Variants in SOX6 observed in about 807,000 individuals in gnomAD.
SOX6 encodes SRY-box transcription factor 6.
Under a neutral mutation model 97.8 loss-of-function variants are expected in SOX6, and 11 were observed. That is an observed-to-expected ratio of 0.11 (90% CI 0.07 to 0.19). The LOEUF (loss-of-function observed/expected upper bound fraction) is 0.19, where lower values mean the gene tolerates loss of function less well. Among genes scored for constraint, SOX6 ranks in the 10% least tolerant of loss-of-function variants. The pLI, the probability that SOX6 is intolerant of heterozygous loss-of-function variation, is 1.00. For missense variants in SOX6, 810 were observed against 1,039.5 expected (o/e 0.78, Z 3.04); for synonymous variants, 360 against 371.4 (o/e 0.97, Z 0.35).
At chr11:16,102,361 G>A (rs1848970091) in intron 7 of SOX6, among the ~76,000 whole-genome samples, 1 of 151,896 alleles carries the variant, frequency 6.6e-6, no homozygotes, top group South Asian at 2.1e-4. Flanking sequence ...ACAAAACACT[G>A]CTGAAAGAAA....
chr11:16,225,233 T>A (rs1055351779), intron 4 of SOX6, among the ~76,000 whole-genome samples: 4 of 152,042 alleles, frequency 2.6e-5, no homozygotes, highest in Non-Finnish European at 4.4e-5. Context: ...TCCCTAGGTA[T>A]GTGAACTTTG....
chr11:16,006,351 G>A (rs946622723), intron 13 of SOX6, among the ~76,000 whole-genome samples: 18 of 152,132 alleles, frequency 1.2e-4, no homozygotes, highest in African/African-American at 3.9e-4. Flanking sequence ...ATTCCTCAGC[G>A]TGGTAATCAA....
chr11:16,612,598 G>C lies in SOX6; in HGVS notation n.430-338C>G, dbSNP rs549324834. On this transcript the variant is annotated intron_variant and non_coding_transcript_variant, in intron 3 of 5. Transcript: ENST00000524520. ...GAGGCGGGGGGGCGGGGTTGGGAGTGGGGGGATGGCGATGAAGAAAAGGAG... is the reference window on the plus strand; with the variant it reads ...GAGGCGGGGGGGCGGGGTTGGGAGTCGGGGGATGGCGATGAAGAAAAGGAG... 4.6e-5 allele frequency among the ~76,000 whole-genome samples: 7 copies of C among 151,876 alleles called. No individual in the cohort carries two copies. The East Asian group carries it at 5.8e-4, about 13-fold the overall frequency.
chr11:16,448,698 A>G (rs1752112585), intron 1 of SOX6, among the ~76,000 whole-genome samples: 1 of 152,128 alleles, frequency 6.6e-6, no homozygotes, highest in Non-Finnish European at 1.5e-5. Context: ...GCTACTTCCT[A>G]TACGAATGTA....
intron 3 of SOX6, among the ~76,000 whole-genome samples, chr11:16,247,518 G>C (rs927755348): frequency 6.6e-6 from 1 of 152,224 alleles, no homozygotes; most frequent in Admixed American, 6.5e-5. Context: ...GGAGGCCTCA[G>C]GAAATTTACA....
chr11:16,376,962 A>C (rs957747282), intron 1 of SOX6, among the ~76,000 whole-genome samples: 2 of 152,004 alleles, frequency 1.3e-5, no homozygotes, highest in African/African-American at 4.8e-5. Flanking sequence ...GAAAGACGGG[A>C]ATATTAAGGA....
intron 1 of SOX6, among the ~76,000 whole-genome samples, chr11:16,459,574 T>A (rs373532102): frequency 6.6e-5 from 10 of 152,194 alleles, no homozygotes; most frequent in African/African-American, 2.4e-4. Flanking sequence ...GCATTTCATT[T>A]GTTCATGGAG....
chr11:16,481,191 C>T (rs917024543), upstream of SOX6, among the ~76,000 whole-genome samples: 2 of 151,926 alleles, frequency 1.3e-5, no homozygotes, highest in Non-Finnish European at 2.9e-5. Flanking sequence ...TTATTGAACT[C>T]CATAATGCTT....
chr11:16,396,483 T>C (rs902442691), intron 1 of SOX6, among the ~76,000 whole-genome samples: 1 of 151,690 alleles, frequency 6.6e-6, no homozygotes, highest in Non-Finnish European at 1.5e-5. Context: ...TTTTCTGTGC[T>C]CATTTAAGCA....
chr11:16,249,483 C>G (rs1034088149), intron 3 of SOX6, among the ~76,000 whole-genome samples: 9 of 152,178 alleles, frequency 5.9e-5, no homozygotes, highest in African/African-American at 2.2e-4. Context: ...CAAAGCCATT[C>G]AACAAGTCTC....
chr11:16,697,221 G>C (rs1416028845), intron 3 of SOX6, among the ~76,000 whole-genome samples: 1 of 152,148 alleles, frequency 6.6e-6, no homozygotes, highest in Non-Finnish European at 1.5e-5. Flanking sequence ...GCCCCTCAAA[G>C]TCATCCATGA....
At chr11:16,280,562 T>C (rs868063119) in intron 3 of SOX6, among the ~76,000 whole-genome samples, 2 of 152,068 alleles carry the variant, frequency 1.3e-5, no homozygotes, top group African/African-American at 2.4e-5. Context: ...CCGTGTGTTA[T>C]TGTAATCCTC....
intron 6 of SOX6, among the ~76,000 whole-genome samples, chr11:16,119,603 G>T (rs1460907002): frequency 1.3e-5 from 2 of 152,104 alleles, no homozygotes; most frequent in Non-Finnish European, 2.9e-5. Context: ...TCTTATCACA[G>T]GCCTAAAAAC....
At chr11:16,203,163 C>T (rs1851984407) in intron 4 of SOX6, among the ~76,000 whole-genome samples, 1 of 152,070 alleles carries the variant, frequency 6.6e-6, no homozygotes, top group Non-Finnish European at 1.5e-5. Context: ...ATCACTACAA[C>T]CCAATGTAAC....
At position 16,726,942 on chromosome 11, in the gene SOX6, T is replaced by G. The variant is rs572295569; in HGVS notation, n.353+9397A>C. Among the ~76,000 whole-genome samples, 15 of 152,370 alleles carry G rather than the reference T, an allele frequency of 9.8e-5. 1 individual carries two copies. In the South Asian group the frequency reaches 2.9e-3, roughly 29 times the overall value. ...TTGTGTTTTTATTTTCCATGTCTTT[T>G]CCAACGAATGATTTTATTTTTGTGT... On this transcript the variant is annotated intron_variant and non_coding_transcript_variant, in intron 2 of 5. Coordinates refer to the SOX6 transcript ENST00000524520.
intron 3 of SOX6, among the ~76,000 whole-genome samples, chr11:16,299,357 G>T (rs1286649823): frequency 6.6e-6 from 1 of 151,790 alleles, no homozygotes; most frequent in Admixed American, 6.6e-5. Context: ...TAGAAAGCTG[G>T]TTGTTTTCAA....
intron 4 of SOX6, among the ~76,000 whole-genome samples, chr11:16,220,369 T>C (rs141840853): frequency 1.3e-5 from 2 of 152,174 alleles, no homozygotes; most frequent in African/African-American, 2.4e-5. Flanking sequence ...AGGCATATAA[T>C]AGCTAAACTA....
chr11:15,995,425 G>T (rs1854194120), intron 13 of SOX6, among the ~76,000 whole-genome samples: 2 of 152,016 alleles, frequency 1.3e-5, no homozygotes, highest in South Asian at 4.2e-4. Context: ...ACTGCTTCCT[G>T]CCCCCAAAGT....
rs533027150 is a variant in SOX6, at chr11:16,610,182, A to G, written n.609+1899T>C. ...CCTGGAACTCAACAACAAGGGCCAT[A>G]AAACCTCTCCAAAGCCTAAAGAGGT... On this transcript the variant is annotated intron_variant and non_coding_transcript_variant, in intron 4 of 5. Transcript: ENST00000524520. This position sits in a 1 kb window ranked among gnomAD's most constrained non-coding sequence, Gnocchi z 4.4. 6.6e-6 allele frequency among the ~76,000 whole-genome samples: 1 copy of G among 152,342 alleles called. No homozygotes were observed. The highest frequency in any genetic ancestry group is 6.5e-5 in the Admixed American group (1 of 15,306).
Sources: gnomAD v4.1 joint callset for allele counts (sites outside exome capture counted in the v4.1 genomes callset) on GRCh38, gnomAD v4.1.1 for gene constraint, Gnocchi (gnomAD v3.1) non-coding constraint, MANE v1.5 for transcripts, NCBI Gene and HGNC (gene_info 2026-07-23, HGNC 2026-07-21) for gene names.